Variants in SOS1 observed in about 807,000 individuals in gnomAD.
SOS1 encodes son of sevenless homolog 1.
SOS1 carries 25 observed loss-of-function variants against 157.6 expected under a neutral mutation model. The observed-to-expected ratio is 0.16, with a 90% CI of 0.12 to 0.22. The LOEUF (loss-of-function observed/expected upper bound fraction) is 0.22, where lower values mean the gene tolerates loss of function less well. Among genes scored for constraint, SOS1 ranks in the 10% least tolerant of loss-of-function variants. The probability of loss-of-function intolerance (pLI) is 1.00; values close to 1 mark genes in which losing one functional copy is unlikely to be tolerated. For synonymous variants in SOS1, 528 were observed against 534.0 expected (o/e 0.99, Z 0.16); for missense variants, 1,237 against 1,599.1 (o/e 0.77, Z 3.86).
intron 1 of SOS1, among the ~76,000 whole-genome samples, chr2:39,068,290 T>C (rs1671661549): frequency 6.6e-6 from 1 of 152,192 alleles, no homozygotes; most frequent in African/African-American, 2.4e-5. Context: ...TTTTTTCTCA[T>C]ACTATGGTTA....
chr2:39,017,000 A>G (rs981620697), intron 10 of SOS1, among the ~76,000 whole-genome samples: 1 of 152,144 alleles, frequency 6.6e-6, no homozygotes, highest in African/African-American at 2.4e-5. Context: ...TGGGAAAGCC[A>G]TGATGTGTCT....
Position 39,023,176 on chromosome 2 carries a change from C to A in SOS1, c.1252G>T (p.Ala418Ser). ...TGAATCTCGTTCATCTTCTTGATTGCTAGTTGTTTCCCCTTCATTTGCTGA... is the reference window on the plus strand; with the variant it reads ...TGAATCTCGTTCATCTTCTTGATTGATAGTTGTTTCCCCTTCATTTGCTGA... ...YSQQMKGKQLAIKKMNEIQKN... is the reference protein window; with the variant it reads ...YSQQMKGKQLSIKKMNEIQKN... The change falls in exon 10 of 23, where the codon GCA (alanine) becomes TCA (serine). Residue 418 changes from alanine to serine, a missense_variant. Around this residue, in one of 15 missense-constraint regions of SOS1, gnomAD observed 101 missense variants for 171.5 expected, o/e 0.59. Coordinates refer to ENST00000402219, the MANE Select transcript of SOS1 (RefSeq NM_005633.4). The A allele has an allele frequency of 6.2e-7, 1 of 1,613,186 alleles. No homozygotes were observed.
At chr2:39,012,395 AT>A in intron 13 of SOS1, 47 bp from the exon 14 acceptor site, 7 of 829,282 alleles carry the variant, frequency 8.4e-6, no homozygotes, top group East Asian at 3.4e-5. Flanking sequence ...TCTTTATTTA[AT>A]ATTTTATATT....
chr2:39,003,548 A>T (rs1390403809), intron 17 of SOS1, among the ~76,000 whole-genome samples: 3 of 152,248 alleles, frequency 2.0e-5, no homozygotes, highest in Admixed American at 2.0e-4. Flanking sequence ...ATATTTAGAA[A>T]ACCCAAGGAA....
At chr2:39,123,299 G>C (rs1673959268), upstream of SOS1, among the ~76,000 whole-genome samples, 1 of 151,012 alleles carries the variant, frequency 6.6e-6, no homozygotes, top group Non-Finnish European at 1.5e-5. Context: ...TTTGGTTGTT[G>C]GTTTCCCTCC....
intron 1 of SOS1, among the ~76,000 whole-genome samples, chr2:39,087,072 C>G (rs1672402909): frequency 3.3e-5 from 5 of 152,070 alleles, no homozygotes; most frequent in Admixed American, 3.3e-4. Flanking sequence ...CCTCAGCCTC[C>G]CAAAGTGCTG....
chr2:39,012,051 G>T, intron 14 of SOS1, 75 bp downstream of exon 14: 1 of 1,085,884 alleles, frequency 9.2e-7, no homozygotes, highest in Non-Finnish European at 1.4e-6. Flanking sequence ...AACCCTATAA[G>T]GCAGAAATCA....
intron 1 of SOS1, among the ~76,000 whole-genome samples, chr2:39,106,203 AC>A: frequency 6.6e-6 from 1 of 151,954 alleles, no homozygotes; most frequent in Non-Finnish European, 1.5e-5. Flanking sequence ...ACACACACAC[AC>A]ACACACACAA....
chr2:39,109,033 T>C (rs1023168729), intron 1 of SOS1, among the ~76,000 whole-genome samples: 1 of 152,018 alleles, frequency 6.6e-6, no homozygotes, highest in Non-Finnish European at 1.5e-5. Flanking sequence ...ACCCCGTCTC[T>C]ACCAAAAATA....
Position 39,054,673 on chromosome 2 carries a change from G to A in SOS1, c.661C>T (p.Leu221=), listed in dbSNP as rs1007628403. 6.3e-7 allele frequency: 1 copy of A among 1,599,208 alleles called. No individual in the cohort carries two copies. Among genetic ancestry groups the A allele is most frequent in the African/African-American group, 1.3e-5 (1 of 74,728 alleles). Reference sequence around the variant, plus strand: ...GGCTCTCTAAAAACTTTTATAATTAGATTTAGTTCCCTTATATATTGTCGA... The same window carrying A: ...GGCTCTCTAAAAACTTTTATAATTAAATTTAGTTCCCTTATATATTGTCGA... ...EIRQYIRELN[L]IIKVFREPFV... Residue 221 remains leucine (L), a synonymous_variant, in exon 5 of 23, where the codon CTA becomes TTA. Transcript: ENST00000402219.
chr2:39,077,761 T>C (rs879936640), intron 1 of SOS1, among the ~76,000 whole-genome samples: 8 of 152,140 alleles, frequency 5.3e-5, no homozygotes, highest in African/African-American at 1.9e-4. Context: ...TGCTAGGACA[T>C]TGGCAAATTA....
intron 21 of SOS1, among the ~76,000 whole-genome samples, chr2:38,987,913 C>G (rs1668602416): frequency 6.6e-6 from 1 of 152,150 alleles, no homozygotes; most frequent in Admixed American, 6.5e-5. Context: ...AGACAGTGAG[C>G]TACTGAAAAT....
chr2:39,057,718 C>A (rs988601534), intron 3 of SOS1, among the ~76,000 whole-genome samples: 1 of 151,962 alleles, frequency 6.6e-6, no homozygotes, highest in Admixed American at 6.6e-5. Context: ...TTTGTTAATT[C>A]CCTTAGAATA....
At chr2:39,029,532 G>C (rs1670084069) in intron 8 of SOS1, among the ~76,000 whole-genome samples, 1 of 152,054 alleles carries the variant, frequency 6.6e-6, no homozygotes, top group Non-Finnish European at 1.5e-5. Context: ...GCTGAGGTAG[G>C]TGGATTAATT....
At chr2:39,121,464 C>A (rs1673892717), upstream of SOS1, among the ~76,000 whole-genome samples, 1 of 152,184 alleles carries the variant, frequency 6.6e-6, no homozygotes, top group African/African-American at 2.4e-5. Context: ...TCAGTATCTG[C>A]TGAGTAGTAG....
intron 6 of SOS1, among the ~76,000 whole-genome samples, chr2:39,049,431 C>G (rs985207414): frequency 2.4e-4 from 37 of 152,216 alleles, no homozygotes; most frequent in African/African-American, 8.4e-4. Flanking sequence ...ATTTCCTTTC[C>G]ACCTATTTTT....
intron 12 of SOS1, 97 bp from the exon 13 acceptor site, chr2:39,013,660 C>A: frequency 3.1e-6 from 3 of 972,922 alleles, no homozygotes; most frequent in Middle Eastern, 2.4e-4. Context: ...GTAACTCTTA[C>A]CAAATTAATC....
chr2:39,088,711 A>G (rs1172423974), intron 1 of SOS1, among the ~76,000 whole-genome samples: 1 of 152,136 alleles, frequency 6.6e-6, no homozygotes, highest in Non-Finnish European at 1.5e-5. Context: ...TACTACATTT[A>G]TCTATTCATC....
chr2:39,119,640 A>G (rs926314402), intron 1 of SOS1, among the ~76,000 whole-genome samples: 3 of 152,238 alleles, frequency 2.0e-5, no homozygotes, highest in Non-Finnish European at 4.4e-5. Flanking sequence ...AAACATTTAA[A>G]AGCACAGATC....
Sources: gnomAD v4.1 joint callset for allele counts (sites outside exome capture counted in the v4.1 genomes callset) on GRCh38, gnomAD v4.1.1 for gene constraint, gnomAD v4.1.1 regional missense constraint, MANE v1.5 for transcripts, NCBI Gene and HGNC (gene_info 2026-07-23, HGNC 2026-07-21) for gene names.